PCDH7: variants seen among roughly 807,000 people sequenced by gnomAD.
PCDH7 encodes the protein protocadherin-7.
A neutral mutation model predicts 58.9 loss-of-function variants in PCDH7; 17 were observed. The observed-to-expected ratio is 0.29, with a 90% CI of 0.20 to 0.43. PCDH7 has a LOEUF of 0.43. Ranked by LOEUF, PCDH7 falls within the 20% of genes least tolerant of loss-of-function variation. PCDH7 has a pLI of 1.00. For synonymous variants in PCDH7, 664 were observed against 616.4 expected, an observed-to-expected ratio of 1.08 and a Z score of -1.14; for missense variants, 1,274 against 1,441.0, an observed-to-expected ratio of 0.88 and a Z score of 1.88.
Position 30,721,997 on chromosome 4 carries a change from G to A in PCDH7, c.575G>A (p.Gly192Asp). 7.8e-7 allele frequency: 1 copy of A among 1,286,700 alleles called. No individual in the cohort carries two copies. Among genetic ancestry groups the A allele is most frequent in the Non-Finnish European group, 9.8e-7 (1 of 1,019,648 alleles). The allele number at this position is 1,286,700 out of a possible 1,614,324, so 79.7% of individuals were successfully genotyped here. ...CAGGAGCCCGGAGGCGGCGGCAGCG[G>A]CGGCGAGAGCCGGCGCGCCGGGGCG... Residue 192 changes from glycine (G) to aspartate (D), a missense_variant, in exon 1 of 2, where the codon GGC (glycine) becomes GAC (aspartate). Physicochemically the swap from Gly to Asp is moderately conservative, Grantham distance 94 (BLOSUM62 -1). Coordinates refer to ENST00000361762, the Ensembl canonical transcript of PCDH7. This position sits in a 1 kb window ranked among gnomAD's most constrained non-coding sequence, Gnocchi z 6.7.
chr4:30,920,651 G>A (rs1024705647), intron 2 of PCDH7, among the ~76,000 whole-genome samples: 2 of 152,060 alleles, frequency 1.3e-5, no homozygotes, highest in Admixed American at 1.3e-4. Flanking sequence ...CTAAATAAGT[G>A]CAGAATTCCT....
intron 3 of PCDH7, among the ~76,000 whole-genome samples, chr4:31,014,198 G>T (rs565473379): frequency 6.6e-6 from 1 of 151,306 alleles, no homozygotes; most frequent in East Asian, 2.1e-4. Flanking sequence ...TACCCAGAGG[G>T]GTCAGGGAAA....
chr4:30,722,937 C>T lies in PCDH7; in HGVS notation c.1515C>T (p.Ile505=), dbSNP rs765418426. The change falls in exon 1 of 2, where the codon ATC becomes ATT. Residue 505 remains isoleucine (I), a synonymous_variant. Coordinates refer to ENST00000361762, the Ensembl canonical transcript of PCDH7. This position sits in a 1 kb window ranked among gnomAD's most constrained non-coding sequence, Gnocchi z 7.6. ...CCACCCGGGAGTTCAACGTGGTCAT[C>T]GTGGCGGTGGACTCAGGCAGCCCCA... 1.2e-6 allele frequency: 2 copies of T among 1,613,632 alleles called. No individual in the cohort carries two copies. Among genetic ancestry groups the T allele is most frequent in the Middle Eastern group, 1.6e-4 (1 of 6,062 alleles).
chr4:31,041,803 T>TA (rs1560597318), intron 3 of PCDH7, among the ~76,000 whole-genome samples: 2 of 150,340 alleles, frequency 1.3e-5, no homozygotes, highest in East Asian at 1.9e-4. Context: ...GGCTATTTTT[T>TA]AAAAAAATAA....
chr4:30,971,550 A>G (rs1020191654), intron 3 of PCDH7, among the ~76,000 whole-genome samples: 4 of 152,206 alleles, frequency 2.6e-5, no homozygotes, highest in Non-Finnish European at 5.9e-5. Flanking sequence ...TTAAAATTGC[A>G]GATCCCTGGG....
At chr4:31,079,623 T>G (rs1759334262) in intron 3 of PCDH7, among the ~76,000 whole-genome samples, 1 of 151,646 alleles carries the variant, frequency 6.6e-6, no homozygotes, top group South Asian at 2.1e-4. Context: ...AGAATTGCAT[T>G]AGGAAGAAAT....
At chr4:31,102,685 A>T (rs1301804719) in intron 3 of PCDH7, among the ~76,000 whole-genome samples, 1 of 152,196 alleles carries the variant, frequency 6.6e-6, no homozygotes, top group African/African-American at 2.4e-5. Context: ...AAAAAAAAAA[A>T]AAAATCTTAT....
intron 1 of PCDH7, among the ~76,000 whole-genome samples, chr4:30,782,754 T>TTCCC (rs1216009046): frequency 2.6e-5 from 4 of 152,226 alleles, no homozygotes; most frequent in African/African-American, 9.6e-5. Flanking sequence ...TGGTTTAATG[T>TTCCC]CTATAAACTG....
intron 1 of PCDH7, among the ~76,000 whole-genome samples, chr4:30,764,721 GTT>G (rs1720479383): frequency 2.6e-5 from 4 of 151,526 alleles, no homozygotes; most frequent in African/African-American, 4.9e-5. Context: ...TTGTTTGTTT[GTT>G]TGTTTGTTTG....
At chr4:30,822,172 A>G (rs1728460753) in intron 1 of PCDH7, among the ~76,000 whole-genome samples, 1 of 152,148 alleles carries the variant, frequency 6.6e-6, no homozygotes, top group African/African-American at 2.4e-5. Context: ...AGGTCATGAG[A>G]GTGCCCTCCC....
intron 3 of PCDH7, among the ~76,000 whole-genome samples, chr4:30,970,430 G>A (rs1049569180): frequency 2.6e-5 from 4 of 151,980 alleles, no homozygotes; most frequent in Non-Finnish European, 5.9e-5. Flanking sequence ...CAGTAGCTGG[G>A]ACCACAGGCA....
intron 2 of PCDH7, among the ~76,000 whole-genome samples, chr4:30,934,155 A>G (rs1745039302): frequency 6.6e-6 from 1 of 152,208 alleles, no homozygotes; most frequent in Non-Finnish European, 1.5e-5. Flanking sequence ...TCTAAAATCT[A>G]ATTCTTGCCT....
chr4:30,734,269 A>G (rs145180943), downstream of PCDH7, among the ~76,000 whole-genome samples: 2,980 of 150,048 alleles, frequency 0.02, 96 homozygotes, highest in African/African-American at 0.069. Context: ...GTCTGGCTCC[A>G]TTGCCCAGGC....
chr4:30,731,156 T>C (rs1311186876), exon 2 of PCDH7: 1 of 1,008,816 alleles, frequency 9.9e-7, no homozygotes, highest in Non-Finnish European at 1.2e-6. Flanking sequence ...ATTCAGCCTC[T>C]TATGTCTTTG....
chr4:31,005,171 C>A (rs1030540114), intron 3 of PCDH7, among the ~76,000 whole-genome samples: 1 of 152,098 alleles, frequency 6.6e-6, no homozygotes, highest in Non-Finnish European at 1.5e-5. Flanking sequence ...ACAAACTGCT[C>A]GGCAGATGTT....
intron 1 of PCDH7, among the ~76,000 whole-genome samples, chr4:30,894,526 C>CAG (rs1739123747): frequency 1.2e-5 from 1 of 83,118 alleles, no homozygotes; most frequent in Admixed American, 1.6e-4. Flanking sequence ...TACACACACA[C>CAG]ACACACACAC....
At chr4:30,781,196 C>T (rs1007282399) in intron 1 of PCDH7, among the ~76,000 whole-genome samples, 4 of 151,628 alleles carry the variant, frequency 2.6e-5, no homozygotes, top group African/African-American at 9.7e-5. Flanking sequence ...GATTGCTTGG[C>T]TATCCAACCC....
chr4:31,007,693 G>A (rs182856274), intron 3 of PCDH7, among the ~76,000 whole-genome samples: 239 of 151,480 alleles, frequency 1.6e-3, no homozygotes, highest in African/African-American at 5.5e-3. Flanking sequence ...GAAATTACTT[G>A]GAGAAACCTG....
chr4:31,081,576 CA>C (rs1759511867), intron 3 of PCDH7, among the ~76,000 whole-genome samples: 1 of 152,048 alleles, frequency 6.6e-6, no homozygotes, highest in Non-Finnish European at 1.5e-5. Context: ...TTCAATATTG[CA>C]ACATTATTAG....
Sources: gnomAD v4.1 joint callset for allele counts (sites outside exome capture counted in the v4.1 genomes callset) on GRCh38, gnomAD v4.1.1 for gene constraint, Gnocchi (gnomAD v3.1) non-coding constraint, MANE v1.5 for transcripts, NCBI Gene and HGNC (gene_info 2026-07-23, HGNC 2026-07-21) for gene names.